LMO2: variants seen among roughly 807,000 people sequenced by gnomAD.
LMO2 encodes the protein LIM domain only 2, also known as rhombotin-2.
In LMO2, 20 loss-of-function variants were observed where a neutral mutation model predicts 23.2. That is an observed-to-expected ratio of 0.86 (90% CI 0.61 to 1.25). The LOEUF (loss-of-function observed/expected upper bound fraction) is 1.25. Ranked by LOEUF, LMO2 falls within the 50% of genes most tolerant of loss-of-function variation. The pLI is 0.00. For missense variants in LMO2, 270 were observed against 315.3 expected (o/e 0.86, Z 1.09); for synonymous variants, 123 against 130.2 (o/e 0.94, Z 0.38).
chr11:33,876,867 T>C (rs966857763), intron 2 of LMO2, among the ~76,000 whole-genome samples: 2 of 152,230 alleles, frequency 1.3e-5, no homozygotes, highest in African/African-American at 4.8e-5. Flanking sequence ...AAAACAGGGA[T>C]AACAATATCT....
In LMO2 at chr11:33,869,749, C is replaced by G; in HGVS notation, c.-33G>C. The G allele has an allele frequency of 1.6e-6, 2 of 1,248,678 alleles. No individual in the cohort carries two copies. The highest frequency in any genetic ancestry group is 2.0e-6 in the Non-Finnish European group (2 of 984,918). 77.3% of individuals were successfully genotyped at this position (1,248,678 alleles called of 1,614,324 possible). A position where few individuals can be genotyped will look rare whatever the true frequency, so the allele number is the denominator to read the frequency against. ...CCGCCGCCGCCACCGCCCGGTCCCT[C>G]TCGCGCGCTGTCGCCGGCTCCGCGC... On this transcript the variant is annotated 5_prime_UTR_variant, in exon 3 of 6. Transcript: ENST00000257818.
chr11:33,888,423 A>G (rs904936850), intron 1 of LMO2, among the ~76,000 whole-genome samples: 4 of 152,074 alleles, frequency 2.6e-5, no homozygotes, highest in Non-Finnish European at 5.9e-5. Context: ...AAGGCCCTGC[A>G]TATCTGGCTC....
intron 2 of LMO2, chr11:33,881,054 G>A (rs1307686521): frequency 7.8e-6 from 3 of 386,570 alleles, no homozygotes; most frequent in South Asian, 1.9e-5. Context: ...CTGCCCTCCT[G>A]TCTGAGAATC....
chr11:33,890,647 C>T (rs116187146), intron 1 of LMO2, among the ~76,000 whole-genome samples: 1,536 of 152,208 alleles, frequency 0.01, 25 homozygotes, highest in African/African-American at 0.034. Context: ...CCAATGTGCC[C>T]GGCCTGTAAG....
rs1221340164 is a variant in LMO2, at chr11:33,869,409, G to A, written c.185C>T (p.Pro62Leu). 39 of 1,204,382 alleles carry A rather than the reference G, an allele frequency of 3.2e-5. No individual in the cohort carries two copies. The East Asian group carries it at 1.3e-3, about 41-fold the overall frequency. 74.6% of individuals were successfully genotyped at this position (1,204,382 alleles called of 1,614,324 possible). The change falls in exon 4 of 6, where the codon CCC becomes CTC. Residue 62 changes from proline to leucine, a missense_variant. Physicochemically the swap from Pro to Leu is moderately conservative, Grantham distance 98 (BLOSUM62 -3). Coordinates refer to ENST00000257818, the MANE Select transcript of LMO2 (RefSeq NM_005574.4). ...PRATKGAPPP[P>L]GTPPPSPMSS... Reference sequence around the variant, plus strand: ...CATTGGGGAGGGAGGCGGGGTGCCGGGCGGCGGGGGCGCTCCCTTTGTGGC... The same window carrying A: ...CATTGGGGAGGGAGGCGGGGTGCCGAGCGGCGGGGGCGCTCCCTTTGTGGC...
chr11:33,864,502 G>T lies in LMO2; in HGVS notation c.464+100C>A. 2.1e-6 allele frequency: 2 copies of T among 939,912 alleles called. No homozygotes were observed. Among genetic ancestry groups the T allele is most frequent in the South Asian group, 1.6e-5 (1 of 62,492 alleles). 58.2% of individuals were successfully genotyped at this position (939,912 alleles called of 1,614,324 possible). A position where few individuals can be genotyped will look rare whatever the true frequency, so the allele number is the denominator to read the frequency against. ...TGACCTCTTTCTATAGGTGGTGTCC[G>T]AGCCTGGAGCAGGGTAAGGGGCAAC... On this transcript the variant is annotated intron_variant, in intron 5 of 5. Transcript: ENST00000257818. The surrounding 1 kb of genome is among the most constrained non-coding windows in gnomAD (Gnocchi z 4.8).
chr11:33,882,137 C>T (rs1857298076), intron 1 of LMO2, among the ~76,000 whole-genome samples: 1 of 152,152 alleles, frequency 6.6e-6, no homozygotes, highest in African/African-American at 2.4e-5. Flanking sequence ...GTTGAAGAGG[C>T]TGCTTCCTGC....
Position 33,864,200 on chromosome 11 carries a change from T to C in LMO2, c.464+402A>G, listed in dbSNP as rs927374643. On this transcript the variant is annotated intron_variant, in intron 5 of 5. Transcript: ENST00000257818. The surrounding 1 kb of genome is among the most constrained non-coding windows in gnomAD (Gnocchi z 4.8). ...AAATTTATAACATACATATATGTTC[T>C]GAAGCATTCAAATGAGGTCCTCAGA... Among the ~76,000 whole-genome samples the C allele has an allele frequency of 6.6e-6, 1 of 152,158 alleles. No individual in the cohort carries two copies. The highest frequency in any genetic ancestry group is 2.4e-5 in the African/African-American group (1 of 41,448).
chr11:33,891,582 C>A (rs1857555445), intron 1 of LMO2, among the ~76,000 whole-genome samples: 1 of 152,146 alleles, frequency 6.6e-6, no homozygotes, highest in Admixed American at 6.5e-5. Context: ...GGGGCCTCTC[C>A]AAGTCACAGC....
chr11:33,858,883 T>C lies in LMO2; in HGVS notation c.*473A>G, dbSNP rs7447. 0.17 allele frequency: 38,490 copies of C among 232,988 alleles called. 3,326 individuals are homozygous for C. Among genetic ancestry groups the C allele is most frequent in the Middle Eastern group, 0.28 (215 of 770 alleles). 14.4% of individuals were successfully genotyped at this position (232,988 alleles called of 1,614,324 possible). On this transcript the variant is annotated 3_prime_UTR_variant, in exon 6 of 6. Transcript: ENST00000257818. ...GGGAAGGGGGCCAAGAAAAAAAGAA[T>C]GGCCACTCTCCTTTCTGTCCTTCCC...
intron 1 of LMO2, among the ~76,000 whole-genome samples, chr11:33,889,145 C>A (rs2133720752): frequency 6.6e-6 from 1 of 152,320 alleles, no homozygotes; most frequent in South Asian, 2.1e-4. Context: ...TGGAGCTCTG[C>A]TCTTCTTTGA....
Position 33,860,636 on chromosome 11 carries a change from T to C in LMO2, c.465-1061A>G, listed in dbSNP as rs114141092. Among the ~76,000 whole-genome samples the C allele has an allele frequency of 6.4e-3, 969 of 152,130 alleles. 13 individuals carry two copies. Among genetic ancestry groups the C allele is most frequent in the African/African-American group, 0.022 (929 of 41,498 alleles). On this transcript the variant is annotated intron_variant, in intron 5 of 5. Transcript: ENST00000257818. ...AAAATTAGCCGGGTGCGGTGGTGCA[T>C]GCCTCTAGTCTCAGCTATTAATACT...
Position 33,872,083 on chromosome 11 carries a change from G to A in LMO2, c.-271-2096C>T, listed in dbSNP as rs6484679. On this transcript the variant is annotated intron_variant, in intron 2 of 5. Coordinates refer to ENST00000257818, the MANE Select transcript of LMO2 (RefSeq NM_005574.4). ...AGGCGGGTGGATCACTTGAGGTCAGGAGTTCATGACCAGCCTGCCCAACAT... is the reference window on the plus strand; with the variant it reads ...AGGCGGGTGGATCACTTGAGGTCAGAAGTTCATGACCAGCCTGCCCAACAT... Among the ~76,000 whole-genome samples the A allele has an allele frequency of 6.8e-3, 1,030 of 152,256 alleles. 11 individuals are homozygous for A. Among genetic ancestry groups the A allele is most frequent in the African/African-American group, 0.023 (967 of 41,532 alleles).
chr11:33,883,355 T>C (rs140508839), intron 1 of LMO2, among the ~76,000 whole-genome samples: 212 of 152,338 alleles, frequency 1.4e-3, no homozygotes, highest in South Asian at 6.8e-3. Context: ...TGGGAAAGTG[T>C]TGGCACATAG....
intron 2 of LMO2, chr11:33,881,505 T>C: frequency 2.4e-6 from 1 of 418,820 alleles, no homozygotes; most frequent in Non-Finnish European, 4.8e-6. Flanking sequence ...CACGGAATGG[T>C]AGCAAGTCAT....
At chr11:33,875,345 A>G (rs1434465545) in intron 2 of LMO2, among the ~76,000 whole-genome samples, 3 of 152,184 alleles carry the variant, frequency 2.0e-5, no homozygotes, top group Non-Finnish European at 4.4e-5. Flanking sequence ...TCGGAGGCTG[A>G]GGTGGGTGGA....
Position 33,858,864 on chromosome 11 carries a change from G to A in LMO2, c.*492C>T. ...GTCCAAAGCTTAAGGCCTTGGGAAGGGGGCCAAGAAAAAAAGAATGGCCAC... is the reference window on the plus strand; with the variant it reads ...GTCCAAAGCTTAAGGCCTTGGGAAGAGGGCCAAGAAAAAAAGAATGGCCAC... On this transcript the variant is annotated 3_prime_UTR_variant, in exon 6 of 6. Coordinates refer to ENST00000257818, the MANE Select transcript of LMO2 (RefSeq NM_005574.4). 1 of 232,694 alleles carries A rather than the reference G, an allele frequency of 4.3e-6. No individual in the cohort carries two copies. Among genetic ancestry groups the A allele is most frequent in the Non-Finnish European group, 8.5e-6 (1 of 117,662 alleles). The allele number at this position is 232,694 out of a possible 1,614,324, so 14.4% of individuals were successfully genotyped here.
At chr11:33,877,469 T>TC (rs1286576899) in intron 2 of LMO2, among the ~76,000 whole-genome samples, 1 of 146,464 alleles carries the variant, frequency 6.8e-6, no homozygotes, top group East Asian at 2.0e-4. Flanking sequence ...TTCTTTTTTT[T>TC]TTTTTTTTTT....
intron 4 of LMO2, among the ~76,000 whole-genome samples, chr11:33,865,643 G>A (rs1856755321): frequency 6.6e-6 from 1 of 152,196 alleles, no homozygotes; most frequent in Admixed American, 6.5e-5. Flanking sequence ...TGAAGTGGGG[G>A]CAATGATTAT....
Sources: allele counts gnomAD v4.1 joint callset (sites outside exome capture counted in the v4.1 genomes callset), GRCh38; gene constraint gnomAD v4.1.1; non-coding constraint Gnocchi (gnomAD v3.1); transcripts MANE v1.5; gene names NCBI Gene and HGNC (gene_info 2026-07-23, HGNC 2026-07-21).